The following MTMR3 variants were observed in gnomAD, a reference collection of about 807,000 sequenced individuals.
The protein encoded by MTMR3 is myotubularin related protein 3, also known as phosphatidylinositol-3,5-bisphosphate 3-phosphatase MTMR3.
A neutral mutation model predicts 132.4 loss-of-function variants in MTMR3; 32 were observed. The observed-to-expected ratio is 0.24, with a 90% CI of 0.18 to 0.32. The LOEUF is 0.32. Among genes scored for constraint, MTMR3 ranks in the 10% least tolerant of loss-of-function variants. The probability of loss-of-function intolerance (pLI) is 1.00; values close to 1 mark genes in which losing one functional copy is unlikely to be tolerated. For missense variants in MTMR3, 1,216 were observed against 1,489.6 expected (o/e 0.82, Z 3.02); for synonymous variants, 556 against 550.3 (o/e 1.01, Z -0.14).
At chr22:29,912,658 A>C (rs1414038874) in intron 1 of MTMR3, among the ~76,000 whole-genome samples, 2 of 152,108 alleles carry the variant, frequency 1.3e-5, no homozygotes, top group African/African-American at 2.4e-5. Context: ...ATTTGCCTGG[A>C]GGTAATGCAT....
intron 16 of MTMR3, 136 bp downstream of exon 16, chr22:30,018,208 A>G: frequency 2.9e-6 from 3 of 1,019,888 alleles, no homozygotes; most frequent in Non-Finnish European, 4.0e-6. Flanking sequence ...CAGTTTTTTC[A>G]GGGAAGTTAT....
rs1220573913 is a variant in MTMR3, at chr22:30,020,788, A to G, written c.3129A>G (p.Glu1043=). ...QIESGHQQEV[E]TLKKQVQELK... The stretch of plus-strand genomic sequence containing the variant: ...AGTCAGGCCACCAGCAGGAAGTAGA[A>G]ACTTTGAAGAAACAAGTCCAGGAGC... Residue 1043 remains glutamate, a synonymous_variant, in exon 17 of 20, where the codon GAA becomes GAG. Transcript: ENST00000401950. 1.9e-6 allele frequency: 3 copies of G among 1,614,004 alleles called. No homozygotes were observed. The African/African-American group carries it at 4.0e-5, about 22-fold the overall frequency.
In MTMR3 at chr22:29,979,173, T is replaced by C. The variant is rs1454210877; in HGVS notation, c.210+121T>C. 12 of 700,736 alleles carry C rather than the reference T, an allele frequency of 1.7e-5. No individual in the cohort carries two copies. In the South Asian group the frequency reaches 1.8e-4, roughly 11 times the overall value. 43.4% of individuals were successfully genotyped at this position (700,736 alleles called of 1,614,324 possible). Reference sequence around the variant, plus strand: ...GGAGAGAAAGCATTATGTGCTCTGCTTTTCTCACTTAATTTAGCACTCAAG... The same window carrying C: ...GGAGAGAAAGCATTATGTGCTCTGCCTTTCTCACTTAATTTAGCACTCAAG... On this transcript the variant is annotated intron_variant, in intron 5 of 19. Coordinates refer to ENST00000401950, the MANE Select transcript of MTMR3 (RefSeq NM_021090.4).
chr22:29,885,408 A>G (rs1602399215), intron 1 of MTMR3, among the ~76,000 whole-genome samples: 1 of 152,314 alleles, frequency 6.6e-6, no homozygotes, highest in African/African-American at 2.4e-5. Context: ...CTTAAAATAT[A>G]ATGGATTTAT....
At chr22:29,991,268 TA>T in intron 6 of MTMR3, 5 of 328,338 alleles carry the variant, frequency 1.5e-5, no homozygotes, top group Non-Finnish European at 1.7e-5. Context: ...TTCATTAGTC[TA>T]AAAAAATAGG....
intron 18 of MTMR3, chr22:30,022,399 C>G (rs2067785509): frequency 8.1e-6 from 5 of 614,744 alleles, no homozygotes; most frequent in Non-Finnish European, 1.5e-5. Context: ...CAGGGTGCTG[C>G]TGCCTGCTAC....
chr22:29,915,160 C>A (rs566084511), intron 1 of MTMR3, among the ~76,000 whole-genome samples: 19 of 152,246 alleles, frequency 1.2e-4, no homozygotes, highest in South Asian at 4.1e-4. Context: ...TTTTTAGGTA[C>A]ATACATATTT....
chr22:30,022,390 AG>A (rs140254815), intron 18 of MTMR3: 58,640 of 612,276 alleles, frequency 0.096, 2,974 homozygotes, highest in South Asian at 0.12. Flanking sequence ...ACAGTGACCC[AG>A]GGTGCTGCTG....
intron 8 of MTMR3, 163 bp downstream of exon 8, chr22:29,999,020 C>G: frequency 2.1e-6 from 1 of 467,690 alleles, no homozygotes; most frequent in Non-Finnish European, 3.7e-6. Flanking sequence ...ATCTTCTGTT[C>G]CCGTTGCTAT....
At chr22:29,915,060 G>C (rs1346938725) in intron 1 of MTMR3, among the ~76,000 whole-genome samples, 2 of 152,086 alleles carry the variant, frequency 1.3e-5, no homozygotes, top group African/African-American at 2.4e-5. Context: ...TTGTGGTAAG[G>C]CATATGGTCT....
At chr22:29,927,083 G>T (rs1159594947) in intron 1 of MTMR3, among the ~76,000 whole-genome samples, 1 of 152,130 alleles carries the variant, frequency 6.6e-6, no homozygotes, top group East Asian at 1.9e-4. Flanking sequence ...ACCGTTTGTT[G>T]AAAACTGTTC....
chr22:29,943,649 A>G (rs1342350713), intron 1 of MTMR3, among the ~76,000 whole-genome samples: 2 of 152,190 alleles, frequency 1.3e-5, no homozygotes, highest in African/African-American at 4.8e-5. Context: ...TTCCAGATCT[A>G]CTTTGAATCT....
At chr22:30,017,587 A>G (rs1026342331) in intron 15 of MTMR3, 1 of 226,558 alleles carries the variant, frequency 4.4e-6, no homozygotes, top group Non-Finnish European at 8.5e-6. Context: ...TAACAGAATG[A>G]CTCACTTTCT....
chr22:30,007,039 C>A, intron 9 of MTMR3, 75 bp from the exon 10 acceptor site: 1 of 1,491,520 alleles, frequency 6.7e-7, no homozygotes, highest in Non-Finnish European at 9.2e-7. Flanking sequence ...TTCATTAAGG[C>A]ACTTAAAATC....
intron 1 of MTMR3, among the ~76,000 whole-genome samples, chr22:29,909,440 G>A (rs1440029939): frequency 6.6e-6 from 1 of 152,018 alleles, no homozygotes; most frequent in Non-Finnish European, 1.5e-5. Context: ...TTCTTATATG[G>A]TTTAAACTTG....
At chr22:29,988,626 CA>C in intron 6 of MTMR3, 64 bp downstream of exon 6, 1 of 1,242,392 alleles carries the variant, frequency 8.0e-7, no homozygotes, top group Non-Finnish European at 1.1e-6. Flanking sequence ...AGAATGGGTC[CA>C]TTATTTGGTA....
intron 2 of MTMR3, 60 bp downstream of exon 2, chr22:29,957,148 T>C (rs1031099537): frequency 6.7e-6 from 1 of 148,736 alleles, no homozygotes; most frequent in Non-Finnish European, 1.5e-5. Flanking sequence ...CTCTGTGCTG[T>C]TTCGAGGCAA....
intron 1 of MTMR3, among the ~76,000 whole-genome samples, chr22:29,941,346 A>G (rs2065853835): frequency 6.6e-6 from 1 of 152,096 alleles, no homozygotes; most frequent in South Asian, 2.1e-4. Flanking sequence ...TGGGGCTGTT[A>G]TGAGTAAGGT....
At chr22:29,906,506 TTG>T (rs2145737393) in intron 1 of MTMR3, among the ~76,000 whole-genome samples, 1 of 152,002 alleles carries the variant, frequency 6.6e-6, no homozygotes, top group East Asian at 1.9e-4. Context: ...TTTTTTTTTT[TTG>T]TATTTTTAAT....
Sources: gnomAD v4.1 joint callset for allele counts (sites outside exome capture counted in the v4.1 genomes callset) on GRCh38, gnomAD v4.1.1 for gene constraint, MANE v1.5 for transcripts, NCBI Gene and HGNC (gene_info 2026-07-23, HGNC 2026-07-21) for gene names.